Variants in ALG1 observed in about 807,000 individuals in gnomAD.
ALG1 encodes the protein ALG1 chitobiosyldiphosphodolichol beta-mannosyltransferase.
In ALG1, 58 loss-of-function variants were observed where a neutral mutation model predicts 55.1. That is an observed-to-expected ratio of 1.05 (90% CI 0.85 to 1.31). ALG1 has a LOEUF of 1.31. ALG1 is among the 50% of genes most tolerant of loss of function. The pLI, the probability that ALG1 is intolerant of heterozygous loss-of-function variation, is 0.00. For missense variants in ALG1, 761 were observed against 598.6 expected (o/e 1.27, Z -2.83); for synonymous variants, 309 against 247.0 (o/e 1.25, Z -2.35).
rs1956945310 is a variant in ALG1 at position 5,077,994 on chromosome 16, C to T, written c.717C>T (p.Ser239=). Residue 239 remains serine, a synonymous_variant, in exon 6 of 13, where the codon AGC becomes AGT. Coordinates refer to ENST00000262374, the MANE Select transcript of ALG1 (RefSeq NM_019109.5). ...ACCGGCTCTTCATGAAGCTGGGCAG[C>T]ATGCACTCTCCGTTCAGGGCCCGGT... The part of the protein sequence containing the change: ...LQHRLFMKLG[S]MHSPFRARSE... 7 of 1,600,740 alleles carry T rather than the reference C, an allele frequency of 4.4e-6. No homozygotes were observed. In the African/African-American group the frequency reaches 5.3e-5, roughly 12 times the overall value.
intron 10 of ALG1, 152 bp from the exon 11 acceptor site, chr16:5,082,407 C>G: frequency 1.3e-6 from 1 of 775,646 alleles, no homozygotes; most frequent in Non-Finnish European, 2.2e-6. Flanking sequence ...GGCTGTGTGG[C>G]TGCTTGGCCA....
At chr16:5,082,320 AACAAC>A (rs1021313583) in intron 10 of ALG1, among the ~76,000 whole-genome samples, 3 of 141,886 alleles carry the variant, frequency 2.1e-5, no homozygotes, top group South Asian at 2.1e-4. Context: ...CTCAAAACAA[AACAAC>A]ACAACAACAA....
chr16:5,071,871 C>T lies in ALG1; in HGVS notation c.22C>T (p.Leu8=), dbSNP rs144712188. 888 of 1,604,634 alleles carry T rather than the reference C, an allele frequency of 5.5e-4. 12 individuals carry two copies. In the South Asian group the frequency reaches 8.5e-3, roughly 15 times the overall value. The change falls in exon 1 of 13, where the codon CTG becomes TTG. Residue 8 remains leucine (L), a synonymous_variant. Transcript: ENST00000262374. ...CAAGATGGCGGCCTCATGCTTGGTCCTGCTGGCGCTGTGTCTGCTGCTGCC... is the reference window on the plus strand; with the variant it reads ...CAAGATGGCGGCCTCATGCTTGGTCTTGCTGGCGCTGTGTCTGCTGCTGCC... The part of the protein sequence containing the change: MAASCLV[L]LALCLLLPLL...
At position 5,073,242 on chromosome 16, in the gene ALG1, T is replaced by C. The variant is rs1274922007; in HGVS notation, c.376T>C (p.Tyr126His). The C allele has an allele frequency of 1.2e-6, 2 of 1,614,082 alleles. No homozygotes were observed. The highest frequency in any genetic ancestry group is 1.7e-6 in the Non-Finnish European group (2 of 1,179,968). The change falls in exon 3 of 13, where the codon TAT (tyrosine) becomes CAT (histidine). Residue 126 changes from tyrosine (Y) to histidine (H), a missense_variant. Tyr to His is a moderately conservative substitution (Grantham distance 83). Coordinates refer to ENST00000262374, the MANE Select transcript of ALG1 (RefSeq NM_019109.5). ...GTTGATGTGGAGGGAGCCAGGTGCC[T>C]ATATCTTTCTCCAGGTGTGTATCAG... Reference protein sequence around the residue: ...WKLMWREPGAYIFLQNPPGLP... With the variant: ...WKLMWREPGAHIFLQNPPGLP...
At chr16:5,073,057 T>C in intron 2 of ALG1, 29 bp downstream of exon 2, 1 of 1,613,016 alleles carries the variant, frequency 6.2e-7, no homozygotes, top group Non-Finnish European at 8.5e-7. Context: ...CAGAATCCTC[T>C]GAATCCATGG....
chr16:5,084,942 G>A lies in ALG1; in HGVS notation c.*61G>A. 8 of 1,596,292 alleles carry A rather than the reference G, an allele frequency of 5.0e-6. No homozygotes were observed. The highest frequency in any genetic ancestry group is 4.4e-5 in the South Asian group (4 of 90,986). On this transcript the variant is annotated 3_prime_UTR_variant, in exon 13 of 13. Transcript: ENST00000262374. ...CTGTCCTTCCCGCAGCTTCTTCTTGGAGTCTCAGGGCAAACCCTTTCGAGC... is the reference window on the plus strand; with the variant it reads ...CTGTCCTTCCCGCAGCTTCTTCTTGAAGTCTCAGGGCAAACCCTTTCGAGC...
intron 1 of ALG1, 152 bp from the exon 2 acceptor site, chr16:5,072,799 C>G (rs529649966): frequency 3.7e-6 from 3 of 806,410 alleles, no homozygotes; most frequent in African/African-American, 1.7e-5. Context: ...AAGAATTGGC[C>G]GCATTCTCTG....
Position 5,077,429 on chromosome 16 carries a change from T to C in ALG1, c.540-16T>C. The C allele has an allele frequency of 6.2e-7, 1 of 1,611,908 alleles. No individual in the cohort carries two copies. Among genetic ancestry groups the C allele is most frequent in the Non-Finnish European group, 8.5e-7 (1 of 1,177,978 alleles). On this transcript the variant is annotated splice_polypyrimidine_tract_variant and intron_variant, in intron 4 of 12. Transcript: ENST00000262374. ...GCCTGTCTAGGGCTCTGCTGACTGC[T>C]GATCTCTCTTTTCAGGTACGAGAAG...
chr16:5,075,263 T>C (rs938293597), intron 3 of ALG1, 125 bp from the exon 4 acceptor site: 1 of 1,088,638 alleles, frequency 9.2e-7, no homozygotes, highest in East Asian at 2.4e-5. Flanking sequence ...GTCTTTCTTC[T>C]GCTTATTATC....
rs764582965 is a variant in ALG1, at chr16:5,077,975, T to C, written c.698T>C (p.Leu233Pro). 5.0e-6 allele frequency: 8 copies of C among 1,603,294 alleles called. No homozygotes were observed. The South Asian group carries it at 8.8e-5, about 18-fold the overall frequency. Residue 233 changes from leucine to proline, a missense_variant, in exon 6 of 13, where the codon CTC (leucine) becomes CCC (proline). Transcript: ENST00000262374. The part of the protein sequence containing the change: ...KETPLDLQHR[L>P]FMKLGSMHSP... ...ACACCTCTGGACCTGCAGCACCGGC[T>C]CTTCATGAAGCTGGGCAGCATGCAC...
chr16:5,073,388 G>T (rs1956853609), intron 3 of ALG1, 132 bp downstream of exon 3: 1 of 780,470 alleles, frequency 1.3e-6, no homozygotes, highest in Non-Finnish European at 2.2e-6. Context: ...ATGAGTAGGA[G>T]CCTATGGTAT....
At chr16:5,079,024 T>C (rs755743688) in intron 7 of ALG1, 40 bp from the exon 8 acceptor site, 1 of 1,604,928 alleles carries the variant, frequency 6.2e-7, no homozygotes, top group South Asian at 1.1e-5. Context: ...AAGAGGGGTG[T>C]CTAGAAACAG....
intron 3 of ALG1, among the ~76,000 whole-genome samples, chr16:5,075,138 A>G (rs1312850110): frequency 6.6e-6 from 1 of 152,176 alleles, no homozygotes; most frequent in Non-Finnish European, 1.5e-5. Context: ...TCCTGGGCTC[A>G]AATGATCCTC....
chr16:5,078,399 G>C, intron 6 of ALG1: 1 of 589,946 alleles, frequency 1.7e-6, no homozygotes, highest in South Asian at 1.5e-5. Flanking sequence ...TGTCTCATGG[G>C]GCTAAGGAGG....
intron 4 of ALG1, among the ~76,000 whole-genome samples, chr16:5,076,423 A>T (rs1956914921): frequency 6.6e-6 from 1 of 152,180 alleles, no homozygotes. Flanking sequence ...TACCCTGTTC[A>T]ATCTCTATGC....
rs995185688 is a variant in ALG1 at position 5,086,162 on chromosome 16, C to G, written c.*1281C>G. On this transcript the variant is annotated 3_prime_UTR_variant, in exon 13 of 13. Transcript: ENST00000262374. The stretch of plus-strand genomic sequence containing the variant: ...ACCAGCCTGGCCAACATGGTGAAAT[C>G]CCATCTCTACAAAAATACAGAAATT... 6.6e-6 allele frequency among the ~76,000 whole-genome samples: 1 copy of G among 152,094 alleles called. No homozygotes were observed. The highest frequency in any genetic ancestry group is 1.5e-5 in the Non-Finnish European group (1 of 68,024).
intron 3 of ALG1, among the ~76,000 whole-genome samples, chr16:5,073,917 G>T (rs1891227967): frequency 6.6e-6 from 1 of 152,154 alleles, no homozygotes. Context: ...GTTACGCCAT[G>T]TTGGCCAGGC....
chr16:5,075,404 C>G lies in ALG1; in HGVS notation c.407C>G (p.Pro136Arg). The G allele has an allele frequency of 1.2e-6, 2 of 1,614,198 alleles. No individual in the cohort carries two copies. Among genetic ancestry groups the G allele is most frequent in the Non-Finnish European group, 1.7e-6 (2 of 1,180,030 alleles). ...CTTTCCTAGAACCCCCCAGGTCTGC[C>G]TAGCATTGCTGTCTGCTGGTTCGTG... ...YIFLQNPPGL[P>R]SIAVCWFVGC... Residue 136 changes from proline to arginine, a missense_variant, in exon 4 of 13, where the codon CCT becomes CGT. By Grantham distance (103) the Pro-to-Arg change is moderately radical. Coordinates refer to ENST00000262374, the MANE Select transcript of ALG1 (RefSeq NM_019109.5).
rs1455004630 is a variant in ALG1 at position 5,086,075 on chromosome 16, C to T, written c.*1194C>T. Reference sequence around the variant, plus strand: ...AAGCGGCCGGGCACAGTGGCTCATGCCTGTAATCCCAACACTTTGGGAGGC... The same window carrying T: ...AAGCGGCCGGGCACAGTGGCTCATGTCTGTAATCCCAACACTTTGGGAGGC... On this transcript the variant is annotated 3_prime_UTR_variant, in exon 13 of 13. Coordinates refer to ENST00000262374, the MANE Select transcript of ALG1 (RefSeq NM_019109.5). 2.0e-5 allele frequency among the ~76,000 whole-genome samples: 3 copies of T among 152,206 alleles called. No individual in the cohort carries two copies. In the East Asian group the frequency reaches 5.8e-4, roughly 29 times the overall value.
Sources: allele counts gnomAD v4.1 joint callset (sites outside exome capture counted in the v4.1 genomes callset), GRCh38; gene constraint gnomAD v4.1.1; transcripts MANE v1.5; gene names NCBI Gene and HGNC (gene_info 2026-07-23, HGNC 2026-07-21).